TTN: variants seen among roughly 807,000 people sequenced by gnomAD.
The protein encoded by TTN is connectin.
TTN carries 1,525 observed loss-of-function variants against 3,223.0 expected under a neutral mutation model. The observed-to-expected ratio is 0.47, with a 90% CI of 0.45 to 0.49. The LOEUF (loss-of-function observed/expected upper bound fraction) is 0.49, where lower values mean the gene tolerates loss of function less well. TTN is among the 20% of genes least tolerant of loss of function. The pLI, the probability that TTN is intolerant of heterozygous loss-of-function variation, is 0.00. For synonymous variants in TTN, 14,094 were observed against 15,161.0 expected (o/e 0.93, Z 5.17); for missense variants, 40,786 against 43,424.0 (o/e 0.94, Z 5.40).
At chr2:178,676,497 T>G (rs963958399) in intron 147 of TTN, among the ~76,000 whole-genome samples, 1 of 151,908 alleles carries the variant, frequency 6.6e-6, no homozygotes, top group African/African-American at 2.4e-5. Context: ...AATTCTGTCC[T>G]GTACTATGAG....
chr2:178,569,576 A>G lies in TTN; in HGVS notation c.76556T>C (p.Ile25519Thr), dbSNP rs376185524. 39 of 1,612,850 alleles carry G rather than the reference A, an allele frequency of 2.4e-5. No homozygotes were observed. The highest frequency in any genetic ancestry group is 1.7e-4 in the Middle Eastern group (1 of 6,050). ...DIDLDLELRK[I>T]INIRAGGSLR... is the part of the protein sequence containing the mutation. Reference sequence around the variant, plus strand: ...GGAGCCACCTGCCCTTATATTTATGATTTTCCTTAGTTCTAGGTCAAGATC... The same window carrying G: ...GGAGCCACCTGCCCTTATATTTATGGTTTTCCTTAGTTCTAGGTCAAGATC... Residue 25519 changes from isoleucine to threonine, a missense_variant, in exon 326 of 363, where the codon ATC becomes ACC. Ile to Thr is a moderately conservative substitution (Grantham distance 89). Coordinates refer to ENST00000589042, the MANE Select transcript of TTN (RefSeq NM_001267550.2).
Position 178,554,029 on chromosome 2 carries a change from T to A in TTN, c.89082A>T (p.Lys29694Asn). 6.2e-7 allele frequency: 1 copy of A among 1,613,810 alleles called. No individual in the cohort carries two copies. Among genetic ancestry groups the A allele is most frequent in the East Asian group, 2.2e-5 (1 of 44,866 alleles). The stretch of plus-strand genomic sequence containing the variant: ...CACTGTTTTCTGTGAGTCCTGTTAC[T>A]TTTTGTCTGGTGTCACGGATAGTCT... ...LKETIRDTRQKVTGLTENSDY... is the reference protein window; with the variant it reads ...LKETIRDTRQNVTGLTENSDY... Residue 29694 changes from lysine to asparagine, a missense_variant, in exon 333 of 363, where the codon AAA (lysine) becomes AAT (asparagine). Coordinates refer to ENST00000589042, the MANE Select transcript of TTN (RefSeq NM_001267550.2).
In TTN at chr2:178,734,775, C is replaced by T; in HGVS notation, c.15149G>A (p.Gly5050Glu). Residue 5050 changes from glycine (G) to glutamate (E), a missense_variant, in exon 51 of 363, where the codon GGG (glycine) becomes GAG (glutamate). By Grantham distance (98) the Gly-to-Glu change is moderately conservative. Coordinates refer to ENST00000589042, the MANE Select transcript of TTN (RefSeq NM_001267550.2). ...ATTCACTGCTTCACATGAGTAACTC[C>T]CACTGTCTTCAACTTTTACATCCGT... ...DITDVKVEDSGSYSCEAVNDV... is the reference protein window; with the variant it reads ...DITDVKVEDSESYSCEAVNDV... 6.2e-7 allele frequency: 1 copy of T among 1,613,640 alleles called. No homozygotes were observed. Among genetic ancestry groups the T allele is most frequent in the South Asian group, 1.1e-5 (1 of 91,030 alleles).
In TTN at chr2:178,599,268, C is replaced by T; in HGVS notation, c.56525G>A (p.Cys18842Tyr). The T allele has an allele frequency of 6.3e-7, 1 of 1,585,140 alleles. No homozygotes were observed. Among genetic ancestry groups the T allele is most frequent in the Non-Finnish European group, 8.5e-7 (1 of 1,170,422 alleles). The change falls in exon 290 of 363, where the codon TGC (cysteine) becomes TAC (tyrosine). Residue 18842 changes from cysteine to tyrosine, a missense_variant. Physicochemically the swap from Cys to Tyr is radical, Grantham distance 194. Transcript: ENST00000589042. ...TAGCAATTTGGGAATCGTGTACGTG[C>T]ACTCCTTAGGTTCACTGGAGACATG... ...WVHVSSEPKE[C>Y]TYTIPKLLEG...
rs1352362158 is a variant in TTN, at chr2:178,672,451, T to C, written c.34886A>G (p.Lys11629Arg). 6.3e-7 allele frequency: 1 copy of C among 1,596,526 alleles called. No individual in the cohort carries two copies. Among genetic ancestry groups the C allele is most frequent in the African/African-American group, 1.4e-5 (1 of 73,656 alleles). ...VPEVPKKVPE[K>R]KVLVPKKEAV... ...TTCCTTTTTAGGCACAAGGACTTTC[T>C]TTTCTGGGACTTTCTTTGGTACTTC... Residue 11629 changes from lysine to arginine, a missense_variant, in exon 154 of 363, where the codon AAG becomes AGG. Transcript: ENST00000589042.
At chr2:178,545,756 TC>T in intron 343 of TTN, 63 bp from the exon 344 acceptor site, 1 of 1,597,408 alleles carries the variant, frequency 6.3e-7, no homozygotes. Flanking sequence ...ACTGCCCTTC[TC>T]CCTTCTCCCC....
chr2:178,670,420 C>A (rs938681333), intron 156 of TTN, 125 bp from the exon 157 acceptor site: 5 of 439,536 alleles, frequency 1.1e-5, no homozygotes, highest in Non-Finnish European at 1.6e-5. Flanking sequence ...AACACTTTAT[C>A]AAATACATTA....
chr2:178,722,966 C>A (rs1469264408), intron 75 of TTN, 29 bp from the exon 76 acceptor site: 2 of 1,597,190 alleles, frequency 1.3e-6, no homozygotes, highest in Non-Finnish European at 1.7e-6. Flanking sequence ...CAGTTAGCAA[C>A]TGGAATTAAT....
Position 178,587,414 on chromosome 2 carries a change from G to C in TTN, c.63797C>G (p.Thr21266Ser). The C allele has an allele frequency of 6.2e-7, 1 of 1,607,702 alleles. No individual in the cohort carries two copies. Among genetic ancestry groups the C allele is most frequent in the Non-Finnish European group, 8.5e-7 (1 of 1,176,914 alleles). ...AVFVNVRVLDTPGPVSDLKVS... is the reference protein window; with the variant it reads ...AVFVNVRVLDSPGPVSDLKVS... ...TTTTAAATCAGACACAGGCCCAGGA[G>C]TGTCTGTAAAGAATCATAAAATCAG... Residue 21266 changes from threonine to serine, a missense_variant, in exon 307 of 363, where the codon ACT becomes AGT. By Grantham distance (58) the Thr-to-Ser change is moderately conservative (BLOSUM62 1). Transcript: ENST00000589042.
intron 47 of TTN, chr2:178,748,509 C>T: frequency 1.2e-6 from 2 of 1,612,988 alleles, no homozygotes; most frequent in South Asian, 1.1e-5. Flanking sequence ...CCTTGGAACT[C>T]CAGAGCTGGA....
rs1342937676 is a variant in TTN, at chr2:178,735,809, T to C, written c.14637A>G (p.Gln4879=). ...ASNKFGADIC[Q]AELIIIDKPH... is the part of the protein sequence containing the mutation. ...GCTTATCAATGATGATCAACTCTGCTTGGCAGATGTCTGCTCCAAACTTGT... is the reference window on the plus strand; with the variant it reads ...GCTTATCAATGATGATCAACTCTGCCTGGCAGATGTCTGCTCCAAACTTGT... The change falls in exon 50 of 363, where the codon CAA becomes CAG. Residue 4879 remains glutamine, a synonymous_variant. Coordinates refer to ENST00000589042, the MANE Select transcript of TTN (RefSeq NM_001267550.2). The C allele has an allele frequency of 6.2e-7, 1 of 1,613,758 alleles. No homozygotes were observed. Among genetic ancestry groups the C allele is most frequent in the South Asian group, 1.1e-5 (1 of 91,076 alleles).
Position 178,722,825 on chromosome 2 carries a change from T to C in TTN, c.22074A>G (p.Lys7358=), listed in dbSNP as rs34562585. The C allele has an allele frequency of 0.01, 16,199 of 1,613,330 alleles. 103 individuals carry two copies. Among genetic ancestry groups the C allele is most frequent in the Non-Finnish European group, 0.013 (14,913 of 1,179,540 alleles). Residue 7358 remains lysine, a synonymous_variant, in exon 76 of 363, where the codon AAA becomes AAG. Coordinates refer to ENST00000589042, the MANE Select transcript of TTN (RefSeq NM_001267550.2). ...GAGTTGGCCGTAATTTGGTATCTCC[T>C]TTGTACCAAGACACTGTAATTTCTG... ...GTPEITVSWY[K]GDTKLRPTPE...
At chr2:178,726,995 G>A in intron 69 of TTN, 95 bp downstream of exon 69, 1 of 1,216,486 alleles carries the variant, frequency 8.2e-7, no homozygotes, top group Non-Finnish European at 1.1e-6. Flanking sequence ...GATCTCAAAT[G>A]GAAACTAAAA....
At position 178,549,744 on chromosome 2, in the gene TTN, G is replaced by A. The variant is rs377464325; in HGVS notation, c.91978C>T (p.Arg30660Trp). ...APITHYIIEK[R>W]ETSRLAWALI... ...GCCCAGGCAAGTCTGCTGGTTTCCCGTTTTTCAATGATGTAGTGGGTTATG... is the reference window on the plus strand; with the variant it reads ...GCCCAGGCAAGTCTGCTGGTTTCCCATTTTTCAATGATGTAGTGGGTTATG... The change falls in exon 338 of 363, where the codon CGG (arginine) becomes TGG (tryptophan). Residue 30660 changes from arginine to tryptophan, a missense_variant. Coordinates refer to ENST00000589042, the MANE Select transcript of TTN (RefSeq NM_001267550.2). 19 of 1,613,556 alleles carry A rather than the reference G, an allele frequency of 1.2e-5. No homozygotes were observed. In the African/African-American group the frequency reaches 1.3e-4, roughly 11 times the overall value.
Position 178,535,431 on chromosome 2 carries a change from T to A in TTN, c.101184A>T (p.Lys33728Asn). ...GCCATCTTTCTGCAGTAGTTGCACA[T>A]TTTTCAACAATGTAGTTGGTGATTT... Reference protein sequence around the residue: ...GSKITNYIVEKCATTAERWLR... With the variant: ...GSKITNYIVENCATTAERWLR... Residue 33728 changes from lysine to asparagine, a missense_variant, in exon 358 of 363, where the codon AAA becomes AAT. By Grantham distance (94) the Lys-to-Asn change is moderately conservative (BLOSUM62 0). Transcript: ENST00000589042. 1.9e-6 allele frequency: 3 copies of A among 1,613,870 alleles called. No homozygotes were observed. The highest frequency in any genetic ancestry group is 2.5e-6 in the Non-Finnish European group (3 of 1,179,820).
chr2:178,714,867 G>A, intron 90 of TTN, 119 bp downstream of exon 90: 2 of 1,328,524 alleles, frequency 1.5e-6, no homozygotes, highest in South Asian at 3.0e-5. Context: ...ACTTGGAGAG[G>A]AAACAAAGGG....
rs749967687 is a variant in TTN, at chr2:178,533,477, C to T, written c.103138G>A (p.Val34380Ile). Residue 34380 changes from valine (V) to isoleucine (I), a missense_variant, in exon 358 of 363, where the codon GTC becomes ATC. Physicochemically the swap from Val to Ile is conservative, Grantham distance 29. Coordinates refer to ENST00000589042, the MANE Select transcript of TTN (RefSeq NM_001267550.2). The part of the protein sequence containing the change: ...ANAECQEGQS[V>I]CFEIRVSGIP... ...CCAGACACTCTGATCTCAAAGCAGA[C>T]ACTTTGGCCTTCTTGGCATTCTGCA... The T allele has an allele frequency of 3.1e-6, 5 of 1,613,398 alleles. No homozygotes were observed. The highest frequency in any genetic ancestry group is 2.2e-5 in the South Asian group (2 of 91,066).
In TTN at chr2:178,568,363, G is replaced by A. The variant is rs780766847; in HGVS notation, c.77769C>T (p.Ile25923=). The A allele has an allele frequency of 6.2e-7, 1 of 1,613,294 alleles. No individual in the cohort carries two copies. Among genetic ancestry groups the A allele is most frequent in the Non-Finnish European group, 8.5e-7 (1 of 1,179,556 alleles). Residue 25923 remains isoleucine (I), a synonymous_variant, in exon 326 of 363, where the codon ATC becomes ATT. Transcript: ENST00000589042. ...CTCTTTTCTGAACAATGTAGTTGGT[G>A]ATTTGGCAGCCCCCTGTATATAATG... is the stretch of plus-strand genomic sequence containing the variant. The part of the protein sequence containing the change: ...NPPLYTGGCQ[I]TNYIVQKRDT...
intron 142 of TTN, 136 bp from the exon 143 acceptor site, chr2:178,678,966 C>A: frequency 1.4e-6 from 1 of 729,870 alleles, no homozygotes; most frequent in Non-Finnish European, 2.2e-6. Context: ...ATTATAATAG[C>A]CACAAAACAA....
Sources: allele counts gnomAD v4.1 joint callset (sites outside exome capture counted in the v4.1 genomes callset), GRCh38; gene constraint gnomAD v4.1.1; transcripts MANE v1.5; gene names NCBI Gene and HGNC (gene_info 2026-07-23, HGNC 2026-07-21).